Variants in MYT1L observed in about 807,000 individuals in gnomAD.
MYT1L encodes myelin transcription factor 1 like.
In MYT1L, 12 loss-of-function variants were observed where a neutral mutation model predicts 126.7. That is an observed-to-expected ratio of 0.09 (90% CI 0.06 to 0.15). MYT1L has a LOEUF of 0.15. Ranked by LOEUF, MYT1L falls within the 10% of genes least tolerant of loss-of-function variation. The pLI, the probability that MYT1L is intolerant of heterozygous loss-of-function variation, is 1.00. For synonymous variants in MYT1L, 541 were observed against 604.2 expected, an observed-to-expected ratio of 0.90 and a Z score of 1.53; for missense variants, 979 against 1,585.2, an observed-to-expected ratio of 0.62 and a Z score of 6.49.
At position 1,889,150 on chromosome 2, in the gene MYT1L, T is replaced by C; in HGVS notation, c.2520+91A>G. On this transcript the variant is annotated intron_variant, in intron 16 of 24. Transcript: ENST00000647738. This position sits in a 1 kb window ranked among gnomAD's most constrained non-coding sequence, Gnocchi z 4.1. ...TCATATTTAAAGAGAAAATATATTT[T>C]CTCATAACGTATGTGCAAATGGCTT... 1.1e-6 allele frequency: 1 copy of C among 930,954 alleles called. No individual in the cohort carries two copies. Among genetic ancestry groups the C allele is most frequent in the South Asian group, 1.7e-5 (1 of 59,270 alleles). The allele number at this position is 930,954 out of a possible 1,614,324, so 57.7% of individuals were successfully genotyped here.
In MYT1L at chr2:1,793,934, G is replaced by A. The variant is rs1402723399; in HGVS notation, c.3277-1470C>T. Among the ~76,000 whole-genome samples, 1 of 152,192 alleles carries A rather than the reference G, an allele frequency of 6.6e-6. No individual in the cohort carries two copies. The highest frequency in any genetic ancestry group is 1.5e-5 in the Non-Finnish European group (1 of 68,038). The stretch of plus-strand genomic sequence containing the variant: ...CGGTGCTTGTCTTCCAGAGCGTTCT[G>A]TAGCCCTTCCTGGGTGGCCACGTGC... On this transcript the variant is annotated intron_variant, in intron 23 of 24. Transcript: ENST00000647738. The surrounding 1 kb of genome is among the most constrained non-coding windows in gnomAD (Gnocchi z 4.6).
At chr2:1,998,286 G>C (rs2062042519) in intron 4 of MYT1L, among the ~76,000 whole-genome samples, 1 of 152,204 alleles carries the variant, frequency 6.6e-6, no homozygotes, top group Admixed American at 6.5e-5. Flanking sequence ...AGAGCCCGGA[G>C]CCCTGCGATG....
Position 2,217,687 on chromosome 2 carries a change from ACAACAACAACAACAACAAC to A in MYT1L, c.-420-44718_-420-44700del, listed in dbSNP as rs1455648270. 4.0e-3 allele frequency among the ~76,000 whole-genome samples: 467 copies of A among 116,046 alleles called. 12 individuals carry two copies. The highest frequency in any genetic ancestry group is 6.5e-3 in the African/African-American group (171 of 26,140). The allele number at this position is 116,046 out of a possible 152,430, so 76.1% of individuals were successfully genotyped here. Reference sequence around the variant, plus strand: ...CTCCATCTCAACAACAACAACAACAACAACAACAACAACAACAACAAAAAAAAAAAAAGAAAGAAGGAAA... The same window carrying A: ...CTCCATCTCAACAACAACAACAACAAAAAAAAAAAAAAAGAAAGAAGGAAA... On this transcript the variant is annotated intron_variant, in intron 2 of 24. Transcript: ENST00000647738.
intron 3 of MYT1L, among the ~76,000 whole-genome samples, chr2:2,120,447 CA>C (rs1203011297): frequency 6.6e-6 from 1 of 152,076 alleles, no homozygotes. Flanking sequence ...CTTTCCACTA[CA>C]TTAAGCTTCC....
chr2:1,966,673 G>A (rs1404433105), intron 8 of MYT1L, among the ~76,000 whole-genome samples: 1 of 151,628 alleles, frequency 6.6e-6, no homozygotes, highest in African/African-American at 2.4e-5. Flanking sequence ...TAAAAGAATT[G>A]CATAAATAAC....
chr2:1,853,720 T>C (rs1425559921), intron 18 of MYT1L, among the ~76,000 whole-genome samples: 4 of 152,220 alleles, frequency 2.6e-5, no homozygotes, highest in Non-Finnish European at 2.9e-5. Flanking sequence ...TTCAAGTACA[T>C]AGTGCATGTT....
At chr2:2,264,117 G>A (rs1040302561) in intron 2 of MYT1L, among the ~76,000 whole-genome samples, 2 of 152,206 alleles carry the variant, frequency 1.3e-5, no homozygotes, top group African/African-American at 2.4e-5. Context: ...AACCTTGACT[G>A]ACCCTGAAGC....
At chr2:2,030,784 C>A (rs953492039) in intron 4 of MYT1L, among the ~76,000 whole-genome samples, 3 of 152,204 alleles carry the variant, frequency 2.0e-5, no homozygotes, top group African/African-American at 4.8e-5. Context: ...TCAGCCCACA[C>A]TGATATGATG....
At chr2:2,300,616 C>T (rs1573349397) in intron 1 of MYT1L, among the ~76,000 whole-genome samples, 3 of 152,198 alleles carry the variant, frequency 2.0e-5, no homozygotes, top group East Asian at 3.8e-4. Flanking sequence ...ACTGAAGTAT[C>T]GTTTTTCTCA....
At chr2:2,157,652 G>A (rs895298669) in intron 3 of MYT1L, among the ~76,000 whole-genome samples, 2 of 152,144 alleles carry the variant, frequency 1.3e-5, no homozygotes, top group Non-Finnish European at 2.9e-5. Flanking sequence ...ATTGAGACAC[G>A]CCTCCTGGGC....
At chr2:2,099,075 C>T (rs2077752362) in intron 3 of MYT1L, among the ~76,000 whole-genome samples, 1 of 152,198 alleles carries the variant, frequency 6.6e-6, no homozygotes, top group Non-Finnish European at 1.5e-5. Flanking sequence ...GAAACAGAGA[C>T]AAATGCATTG....
intron 4 of MYT1L, among the ~76,000 whole-genome samples, chr2:2,024,440 T>G (rs2065328007): frequency 6.6e-6 from 1 of 152,210 alleles, no homozygotes; most frequent in South Asian, 2.1e-4. Flanking sequence ...TTCCCTCCCC[T>G]TGTGGCTGAC....
intron 8 of MYT1L, among the ~76,000 whole-genome samples, chr2:1,959,300 G>C (rs2058767046): frequency 6.6e-6 from 1 of 152,200 alleles, no homozygotes; most frequent in African/African-American, 2.4e-5. Flanking sequence ...TGCTCCTTCG[G>C]AGAAGACCAA....
At chr2:1,988,863 C>T (rs867836137) in intron 5 of MYT1L, among the ~76,000 whole-genome samples, 49 of 152,322 alleles carry the variant, frequency 3.2e-4, no homozygotes, top group Middle Eastern at 3.4e-3. Flanking sequence ...ATGCTTGGTG[C>T]TTTCTTCTTA....
chr2:2,137,518 C>T (rs2083243191), intron 3 of MYT1L, among the ~76,000 whole-genome samples: 3 of 152,074 alleles, frequency 2.0e-5, no homozygotes, highest in Admixed American at 1.3e-4. Context: ...CAGAACAGAG[C>T]CCTCAGAAAT....
chr2:1,877,797 T>TAAAA (rs67706403), intron 18 of MYT1L, among the ~76,000 whole-genome samples: 1,967 of 150,542 alleles, frequency 0.013, 23 homozygotes, highest in Middle Eastern at 0.028. Flanking sequence ...TCCTAAATTG[T>TAAAA]AGAAAAAAAA....
intron 4 of MYT1L, among the ~76,000 whole-genome samples, chr2:2,050,899 C>A (rs2068750001): frequency 6.6e-6 from 1 of 152,142 alleles, no homozygotes; most frequent in African/African-American, 2.4e-5. Context: ...GTTGGACAAA[C>A]TGCACAACAG....
intron 3 of MYT1L, among the ~76,000 whole-genome samples, chr2:2,138,922 C>T (rs977957023): frequency 2.0e-5 from 3 of 151,764 alleles, no homozygotes; most frequent in Non-Finnish European, 4.4e-5. Flanking sequence ...AGTAAAGGCA[C>T]ACTGTGCTAG....
chr2:2,003,193 C>G (rs1280338128), intron 4 of MYT1L, among the ~76,000 whole-genome samples: 1 of 152,132 alleles, frequency 6.6e-6, no homozygotes, highest in African/African-American at 2.4e-5. Context: ...ATGGCCTGCT[C>G]TGCATGGGGG....
Sources: gnomAD v4.1 joint callset for allele counts (sites outside exome capture counted in the v4.1 genomes callset) on GRCh38, gnomAD v4.1.1 for gene constraint, Gnocchi (gnomAD v3.1) non-coding constraint, MANE v1.5 for transcripts, NCBI Gene and HGNC (gene_info 2026-07-23, HGNC 2026-07-21) for gene names.